Variants in KIAA1549 observed in about 807,000 individuals in gnomAD.
KIAA1549 encodes UPF0606 protein KIAA1549.
In KIAA1549, 70 loss-of-function variants were observed where a neutral mutation model predicts 156.4. The ratio of observed to expected loss-of-function variants is 0.45; its 90% confidence interval spans 0.37 to 0.55. KIAA1549 has a LOEUF of 0.55. Among genes scored for constraint, KIAA1549 ranks in the 20% least tolerant of loss-of-function variants. The pLI, the probability that KIAA1549 is intolerant of heterozygous loss-of-function variation, is 0.00. For missense variants in KIAA1549, 2,428 were observed against 2,540.9 expected, an observed-to-expected ratio of 0.96 and a Z score of 0.96; for synonymous variants, 1,103 against 1,066.4, an observed-to-expected ratio of 1.03 and a Z score of -0.67.
At chr7:138,870,006 T>C (rs1810881755) in intron 13 of KIAA1549, among the ~76,000 whole-genome samples, 1 of 151,996 alleles carries the variant, frequency 6.6e-6, no homozygotes, top group Non-Finnish European at 1.5e-5. Flanking sequence ...CGCACCATCA[T>C]GCCCAGTTCA....
chr7:138,951,875 T>C (rs1813509684), intron 1 of KIAA1549, among the ~76,000 whole-genome samples: 1 of 152,198 alleles, frequency 6.6e-6, no homozygotes, highest in Non-Finnish European at 1.5e-5. Context: ...TTATAAAAAC[T>C]ACGGAAAGCA....
chr7:138,848,806 GT>G (rs963610415), intron 17 of KIAA1549, among the ~76,000 whole-genome samples: 1 of 152,132 alleles, frequency 6.6e-6, no homozygotes, highest in African/African-American at 2.4e-5. Flanking sequence ...TGGGCCTGGA[GT>G]TTTGTTTGTG....
chr7:138,885,635 C>T (rs964499887), intron 10 of KIAA1549, among the ~76,000 whole-genome samples: 1 of 152,218 alleles, frequency 6.6e-6, no homozygotes, highest in African/African-American at 2.4e-5. Context: ...TTACTCACAG[C>T]TTCTTGGGCT....
intron 2 of KIAA1549, among the ~76,000 whole-genome samples, chr7:138,915,123 TCCAGCCATGATGACAGTCTCCTCCC>T (rs1812280882): frequency 6.6e-6 from 1 of 152,144 alleles, no homozygotes; most frequent in South Asian, 2.1e-4. Flanking sequence ...ATGCCTAATC[TCCAGCCATGATGACAGTCTCCTCCC>T]CCAGAAGACA....
intron 15 of KIAA1549, among the ~76,000 whole-genome samples, chr7:138,862,325 C>G (rs778685750): frequency 6.6e-6 from 1 of 151,720 alleles, no homozygotes; most frequent in Non-Finnish European, 1.5e-5. Flanking sequence ...CATAGCAAGA[C>G]CCCCATCTTT....
intron 1 of KIAA1549, among the ~76,000 whole-genome samples, chr7:138,957,128 G>A (rs1274913457): frequency 6.6e-6 from 1 of 152,178 alleles, no homozygotes; most frequent in Non-Finnish European, 1.5e-5. Context: ...AAGGCACAGG[G>A]GCATAAAACA....
In KIAA1549 at chr7:138,838,108, G is replaced by C. The variant is rs1207214629; in HGVS notation, c.5651C>G (p.Pro1884Arg). 1.3e-6 allele frequency: 2 copies of C among 1,551,834 alleles called. No homozygotes were observed. The highest frequency in any genetic ancestry group is 1.7e-6 in the Non-Finnish European group (2 of 1,153,710). The change falls in exon 20 of 20, where the codon CCA (proline) becomes CGA (arginine). Residue 1884 changes from proline (P) to arginine (R), a missense_variant. Pro to Arg is a moderately radical substitution (Grantham distance 103). Coordinates refer to ENST00000422774, the MANE Select transcript of KIAA1549 (RefSeq NM_001164665.2). Reference sequence around the variant, plus strand: ...TGAGGGCTCCCTGCCTGAAGTCCTTGGCACCTGAAATAGCGGTGAAGAAGA... The same window carrying C: ...TGAGGGCTCCCTGCCTGAAGTCCTTCGCACCTGAAATAGCGGTGAAGAAGA... ...EYSSSPLFQV[P>R]RTSGREPSAP...
At chr7:138,856,485 C>G (rs371398102) in intron 16 of KIAA1549, among the ~76,000 whole-genome samples, 1 of 152,324 alleles carries the variant, frequency 6.6e-6, no homozygotes, top group South Asian at 2.1e-4. Flanking sequence ...GTCACCAACT[C>G]TCTCACCAAG....
chr7:138,954,442 C>T (rs2130545101), intron 1 of KIAA1549, among the ~76,000 whole-genome samples: 1 of 152,328 alleles, frequency 6.6e-6, no homozygotes, highest in Non-Finnish European at 1.5e-5. Context: ...AACTGCCAAA[C>T]TAAGCAGTGT....
chr7:138,945,102 A>G (rs1240985111), intron 1 of KIAA1549, among the ~76,000 whole-genome samples: 2 of 152,196 alleles, frequency 1.3e-5, no homozygotes, highest in Non-Finnish European at 2.9e-5. Context: ...TTAACTGGGG[A>G]AGCTGTTATT....
intron 13 of KIAA1549, 35 bp downstream of exon 13, chr7:138,871,122 T>G (rs1810917771): frequency 6.3e-7 from 1 of 1,595,328 alleles, no homozygotes; most frequent in Admixed American, 1.7e-5. Flanking sequence ...TAGCCGAGTT[T>G]TTTAAGTAAC....
intron 10 of KIAA1549, among the ~76,000 whole-genome samples, chr7:138,889,973 C>CT (rs1373045802): frequency 6.6e-6 from 1 of 152,182 alleles, no homozygotes; most frequent in Non-Finnish European, 1.5e-5. Context: ...CTCCAGCTCC[C>CT]TCCCACATGC....
At position 138,916,861 on chromosome 7, in the gene KIAA1549, C is replaced by T. The variant is rs762326899; in HGVS notation, c.2765G>A (p.Arg922His). 3.0e-5 allele frequency: 49 copies of T among 1,613,782 alleles called. No individual in the cohort carries two copies. In the East Asian group the frequency reaches 4.0e-4, roughly 13 times the overall value. Reference sequence around the variant, plus strand: ...TTCGAGAGTGAAGGCAGTCACGGGACGCAGGGATGGCAGGGGAGGAGCAGC... The same window carrying T: ...TTCGAGAGTGAAGGCAGTCACGGGATGCAGGGATGGCAGGGGAGGAGCAGC... ...SSAAPPLPSL[R>H]PVTAFTLEAT... Residue 922 changes from arginine (R) to histidine (H), a missense_variant, in exon 2 of 20, where the codon CGT (arginine) becomes CAT (histidine). Physicochemically the swap from Arg to His is conservative, Grantham distance 29. Coordinates refer to ENST00000422774, the MANE Select transcript of KIAA1549 (RefSeq NM_001164665.2).
chr7:138,837,522 T>C lies in KIAA1549; in HGVS notation c.*384A>G, dbSNP rs931136497. The C allele has an allele frequency of 1.2e-5, 4 of 342,380 alleles. No homozygotes were observed. The highest frequency in any genetic ancestry group is 2.1e-5 in the Non-Finnish European group (4 of 189,188). The allele number at this position is 342,380 out of a possible 1,614,324, so 21.2% of individuals were successfully genotyped here. Reference sequence around the variant, plus strand: ...CAAAGCAGCAGGTTCATCGTACACGTACCAGTCTCAATCCCACAGAAACGC... The same window carrying C: ...CAAAGCAGCAGGTTCATCGTACACGCACCAGTCTCAATCCCACAGAAACGC... On this transcript the variant is annotated 3_prime_UTR_variant, in exon 20 of 20. Transcript: ENST00000422774.
intron 18 of KIAA1549, among the ~76,000 whole-genome samples, chr7:138,840,753 G>A (rs1809892097): frequency 6.6e-6 from 1 of 152,066 alleles, no homozygotes; most frequent in Non-Finnish European, 1.5e-5. Context: ...CCATCAGAAA[G>A]CCCACGGGCT....
chr7:138,978,283 T>C lies in KIAA1549; in HGVS notation c.187+2800A>G, dbSNP rs573222088. On this transcript the variant is annotated intron_variant, in intron 1 of 19. Transcript: ENST00000422774. ...TCTGTACCTTTCAGTAATTTCCAAA[T>C]TCCCTACAAAGCAATCTATTTCATA... 4.6e-5 allele frequency among the ~76,000 whole-genome samples: 7 copies of C among 152,306 alleles called. No individual in the cohort carries two copies. In the South Asian group the frequency reaches 1.5e-3, roughly 32 times the overall value.
intron 1 of KIAA1549, among the ~76,000 whole-genome samples, chr7:138,934,546 T>C (rs1052518144): frequency 2.0e-5 from 3 of 151,868 alleles, no homozygotes; most frequent in Non-Finnish European, 2.9e-5. Flanking sequence ...CTGACTCAAA[T>C]AAGAGACACC....
intron 5 of KIAA1549, 50 bp downstream of exon 5, chr7:138,908,941 T>C (rs560651374): frequency 1.9e-6 from 3 of 1,604,596 alleles, no homozygotes; most frequent in South Asian, 2.2e-5. Context: ...TGGAACAATT[T>C]CCCCTTCAAG....
At chr7:138,881,182 GA>G (rs1811230295) in intron 11 of KIAA1549, among the ~76,000 whole-genome samples, 1 of 152,216 alleles carries the variant, frequency 6.6e-6, no homozygotes, top group Non-Finnish European at 1.5e-5. Context: ...TGTGGGGAAA[GA>G]AATCACACAG....
Sources: allele counts gnomAD v4.1 joint callset (sites outside exome capture counted in the v4.1 genomes callset), GRCh38; gene constraint gnomAD v4.1.1; transcripts MANE v1.5; gene names NCBI Gene and HGNC (gene_info 2026-07-23, HGNC 2026-07-21).